The following ABHD5 variants were observed in gnomAD, a reference collection of about 807,000 sequenced individuals.
The protein encoded by ABHD5 is abhydrolase domain containing 5, lysophosphatidic acid acyltransferase.
In ABHD5, 30 loss-of-function variants were observed where a neutral mutation model predicts 44.9. The ratio of observed to expected loss-of-function variants is 0.67; its 90% CI spans 0.50 to 0.91. The LOEUF is 0.91. ABHD5 is among the 40% of genes least tolerant of loss of function. The probability of loss-of-function intolerance (pLI) is 0.00; values close to 1 mark genes in which losing one functional copy is unlikely to be tolerated. For missense variants in ABHD5, 399 were observed against 423.4 expected, an observed-to-expected ratio of 0.94 and a Z score of 0.50; for synonymous variants, 167 against 147.0, an observed-to-expected ratio of 1.14 and a Z score of -0.99.
chr3:43,717,713 G>A lies in ABHD5; in HGVS notation c.816G>A (p.Trp272Ter). The A allele has an allele frequency of 1.9e-6, 3 of 1,614,124 alleles. No homozygotes were observed. The highest frequency in any genetic ancestry group is 2.5e-6 in the Non-Finnish European group (3 of 1,180,010). The change falls in exon 6 of 7, where the codon TGG (tryptophan) becomes TGA (stop). Residue 272 changes from tryptophan to a stop codon, truncating the protein, a stop_gained. Coordinates refer to ENST00000644371, the MANE Select transcript of ABHD5 (RefSeq NM_016006.6). LOFTEE classifies it high-confidence loss of function. ...AGAATATGACTATTCCTTATGGATG[G>A]GCAAAAAGGCCAATGCTCCAGCGAA... ...AFKNMTIPYG[W>*]AKRPMLQRIG...
rs1278309081 is a variant in ABHD5, at chr3:43,722,053, T to C, written c.*3521T>C. On this transcript the variant is annotated 3_prime_UTR_variant, in exon 7 of 7. Coordinates refer to ENST00000644371, the MANE Select transcript of ABHD5 (RefSeq NM_016006.6). ...TAACTAGCAAAGTTAAATGAGTATA[T>C]CCTTCAACCTGGCAGACCCAGTTCT... 2 of 152,216 alleles carry C rather than the reference T, an allele frequency of 1.3e-5. No individual in the cohort carries two copies. Among genetic ancestry groups the C allele is most frequent in the Non-Finnish European group, 2.9e-5 (2 of 68,040 alleles). 9.4% of individuals were successfully genotyped at this position (152,216 alleles called of 1,614,324 possible). A position where few individuals can be genotyped will look rare whatever the true frequency, so the allele number is the denominator to read the frequency against.
intron 3 of ABHD5, among the ~76,000 whole-genome samples, chr3:43,708,274 C>T (rs770808346): frequency 2.0e-5 from 3 of 152,200 alleles, no homozygotes; most frequent in Non-Finnish European, 2.9e-5. Context: ...CATGTGCTAT[C>T]TGGTTGGACC....
intron 4 of ABHD5, among the ~76,000 whole-genome samples, chr3:43,713,342 AGG>A (rs1330703591): frequency 4.7e-5 from 7 of 149,264 alleles, no homozygotes; most frequent in African/African-American, 1.7e-4. Flanking sequence ...AAAAAAAAAA[AGG>A]AAAAGAAAAG....
chr3:43,726,153 C>T (rs1015609848), downstream of ABHD5, among the ~76,000 whole-genome samples: 19 of 152,070 alleles, frequency 1.2e-4, no homozygotes, highest in Admixed American at 1.0e-3. Flanking sequence ...TGTGAGCCAC[C>T]GCACCAGGCC....
At chr3:43,700,622 G>A (rs571292859) in intron 2 of ABHD5, among the ~76,000 whole-genome samples, 2 of 150,210 alleles carry the variant, frequency 1.3e-5, no homozygotes, top group African/African-American at 4.9e-5. Flanking sequence ...TACCCAAGCT[G>A]GAGTGCAGTG....
At chr3:43,691,095 G>A in intron 1 of ABHD5, 56 bp downstream of exon 1, 2 of 1,489,752 alleles carry the variant, frequency 1.3e-6, no homozygotes, top group Admixed American at 2.2e-5. Context: ...CTCCGCGCGG[G>A]CCGGGTTAGG....
chr3:43,697,640 A>G (rs1356632648), intron 1 of ABHD5, among the ~76,000 whole-genome samples: 3 of 152,202 alleles, frequency 2.0e-5, no homozygotes, highest in African/African-American at 7.2e-5. Context: ...AGCCATAGAG[A>G]CATGTAATCA....
chr3:43,691,411 A>C, intron 1 of ABHD5: 57 of 169,228 alleles, frequency 3.4e-4, no homozygotes, highest in East Asian at 9.8e-4. Context: ...GCCTGCCCCA[A>C]TGCCGCCGGC....
At chr3:43,706,477 T>C (rs2084621100) in intron 3 of ABHD5, among the ~76,000 whole-genome samples, 1 of 152,082 alleles carries the variant, frequency 6.6e-6, no homozygotes, top group African/African-American at 2.4e-5. Flanking sequence ...ACCTTTTTTT[T>C]TTTTCTTAGA....
At position 43,715,056 on chromosome 3, in the gene ABHD5, A is replaced by G; in HGVS notation, c.771A>G (p.Pro257=). Residue 257 remains proline, a splice_region_variant and synonymous_variant, in exon 5 of 7, where the codon CCA becomes CCG. Coordinates refer to ENST00000644371, the MANE Select transcript of ABHD5 (RefSeq NM_016006.6). ...TCTACCACTGTAATGTGCAGACTCC[A>G]AGGTGAGGGTTAGGATTCTCAATTC... ...EYIYHCNVQT[P]SGETAFKNMT... 6.3e-7 allele frequency: 1 copy of G among 1,596,510 alleles called. No homozygotes were observed. The highest frequency in any genetic ancestry group is 8.6e-7 in the Non-Finnish European group (1 of 1,166,856).
In ABHD5 at chr3:43,714,642, G is replaced by A. The variant is rs1008618271; in HGVS notation, c.662-305G>A. 9.2e-5 allele frequency among the ~76,000 whole-genome samples: 14 copies of A among 152,256 alleles called. No individual in the cohort carries two copies. In the East Asian group the frequency reaches 2.5e-3, roughly 27 times the overall value. ...TTTTTACGTACGAGCTACTCGCCAC[G>A]TTTAAAGAATTTATTTACCTACAAA... is the stretch of plus-strand genomic sequence containing the variant. On this transcript the variant is annotated intron_variant, in intron 4 of 6. Transcript: ENST00000644371.
chr3:43,696,708 CA>C (rs2084477950), intron 1 of ABHD5, among the ~76,000 whole-genome samples: 2 of 152,164 alleles, frequency 1.3e-5, no homozygotes, highest in Non-Finnish European at 2.9e-5. Context: ...ATGTATATAA[CA>C]CTTAATCCTG....
At chr3:43,697,091 G>T (rs1332870793) in intron 1 of ABHD5, among the ~76,000 whole-genome samples, 3 of 152,210 alleles carry the variant, frequency 2.0e-5, no homozygotes, top group African/African-American at 7.2e-5. Context: ...CCCATTGTTT[G>T]AAAGCTGGTT....
At chr3:43,727,933 G>A (rs1271118213) in intron 7 of ABHD5, among the ~76,000 whole-genome samples, 1 of 152,124 alleles carries the variant, frequency 6.6e-6, no homozygotes, top group Non-Finnish European at 1.5e-5. Flanking sequence ...TTTAAAGAAT[G>A]AGGCCCCAAA....
chr3:43,709,553 A>G (rs186912435), intron 3 of ABHD5, among the ~76,000 whole-genome samples: 120 of 152,322 alleles, frequency 7.9e-4, no homozygotes, highest in Admixed American at 1.4e-3. Flanking sequence ...AAATTTAACT[A>G]AATTGTTTAG....
intron 3 of ABHD5, among the ~76,000 whole-genome samples, chr3:43,705,032 G>T (rs939256932): frequency 2.6e-5 from 4 of 152,114 alleles, no homozygotes; most frequent in African/African-American, 9.7e-5. Flanking sequence ...ATGTTTTCTG[G>T]ATTTTCAGAT....
At position 43,719,297 on chromosome 3, in the gene ABHD5, C is replaced by A. The variant is rs115721641; in HGVS notation, c.*765C>A. 2 of 152,188 alleles carry A rather than the reference C, an allele frequency of 1.3e-5. No homozygotes were observed. The highest frequency in any genetic ancestry group is 4.8e-5 in the African/African-American group (2 of 41,444). The allele number at this position is 152,188 out of a possible 1,614,324, so 9.4% of individuals were successfully genotyped here. ...GTGATTCAGGTACTGAAAAGCCTTA[C>A]CTAAAAGGCTGTTCTTTGTTTCCCC... On this transcript the variant is annotated 3_prime_UTR_variant, in exon 7 of 7. Transcript: ENST00000644371.
At chr3:43,718,138 A>G (rs1479705057) in intron 6 of ABHD5, among the ~76,000 whole-genome samples, 2 of 152,102 alleles carry the variant, frequency 1.3e-5, no homozygotes, top group Non-Finnish European at 2.9e-5. Context: ...ACTTCAAGTA[A>G]TTCCCACCTC....
At chr3:43,693,812 T>C (rs1219627564) in intron 1 of ABHD5, among the ~76,000 whole-genome samples, 1 of 151,968 alleles carries the variant, frequency 6.6e-6, no homozygotes, top group Non-Finnish European at 1.5e-5. Context: ...ATCATCCTTG[T>C]TTTTATTTTT....
Sources: gnomAD v4.1 joint callset for allele counts (sites outside exome capture counted in the v4.1 genomes callset) on GRCh38, gnomAD v4.1.1 for gene constraint, MANE v1.5 for transcripts, NCBI Gene and HGNC (gene_info 2026-07-23, HGNC 2026-07-21) for gene names.